PDGFC: variants seen among roughly 807,000 people sequenced by gnomAD.
PDGFC encodes platelet-derived growth factor C.
In PDGFC, 12 loss-of-function variants were observed where a neutral mutation model predicts 35.5. That is an observed-to-expected ratio of 0.34 (90% CI 0.22 to 0.55). The LOEUF (loss-of-function observed/expected upper bound fraction) is 0.55, where lower values mean the gene tolerates loss of function less well. PDGFC is among the 20% of genes least tolerant of loss of function. PDGFC has a pLI of 0.91. For synonymous variants in PDGFC, 159 were observed against 148.8 expected (o/e 1.07, Z -0.50); for missense variants, 322 against 412.4 (o/e 0.78, Z 1.90).
chr4:156,802,555 T>TACACAC (rs3042776), intron 3 of PDGFC, among the ~76,000 whole-genome samples: 174 of 145,670 alleles, frequency 1.2e-3, no homozygotes, highest in African/African-American at 4.1e-3. Flanking sequence ...TACACACACA[T>TACACAC]ACACACACAC....
chr4:156,950,585 T>C (rs148863745), intron 1 of PDGFC, among the ~76,000 whole-genome samples: 74 of 151,972 alleles, frequency 4.9e-4, no homozygotes, highest in Admixed American at 1.4e-3. Flanking sequence ...AAAATTAATA[T>C]GCCTTTTCTC....
intron 2 of PDGFC, among the ~76,000 whole-genome samples, chr4:156,844,425 G>C (rs540265801): frequency 6.6e-6 from 1 of 152,058 alleles, no homozygotes; most frequent in Non-Finnish European, 1.5e-5. Flanking sequence ...GAGTACAAAA[G>C]AAGTAATAGA....
chr4:156,903,112 T>TGC (rs1730831540), intron 1 of PDGFC, among the ~76,000 whole-genome samples: 2 of 139,034 alleles, frequency 1.4e-5, no homozygotes, highest in Non-Finnish European at 3.2e-5. Flanking sequence ...AGAGTGTGTG[T>TGC]GTGTGTGTGT....
chr4:156,813,960 T>C (rs1186725820), intron 2 of PDGFC, among the ~76,000 whole-genome samples: 1 of 152,124 alleles, frequency 6.6e-6, no homozygotes, highest in Non-Finnish European at 1.5e-5. Context: ...TGTCTTATCC[T>C]GAGCACCTAC....
intron 2 of PDGFC, among the ~76,000 whole-genome samples, chr4:156,830,760 C>T (rs1187577233): frequency 6.6e-6 from 1 of 152,108 alleles, no homozygotes; most frequent in Non-Finnish European, 1.5e-5. Context: ...TTCTTTAAAA[C>T]AAAAGATTCC....
Position 156,810,095 on chromosome 4 carries a change from C to T in PDGFC, c.495+742G>A, listed in dbSNP as rs577527270. On this transcript the variant is annotated intron_variant, in intron 3 of 5. Transcript: ENST00000502773. ...TAAACAGATTCTTAGTGGCTTTAAT[C>T]AAGCAAATAATCAGTATTAAACTAT... 6.6e-5 allele frequency among the ~76,000 whole-genome samples: 10 copies of T among 151,920 alleles called. No individual in the cohort carries two copies. In the East Asian group the frequency reaches 9.7e-4, roughly 15 times the overall value.
chr4:156,772,613 C>T (rs989814419), intron 4 of PDGFC, 73 bp downstream of exon 4: 17 of 905,826 alleles, frequency 1.9e-5, no homozygotes, highest in Non-Finnish European at 3.0e-5. Context: ...CCTTTAGAAG[C>T]TGTGGCAGAA....
intron 2 of PDGFC, among the ~76,000 whole-genome samples, chr4:156,845,681 A>C (rs1484056688): frequency 6.6e-6 from 1 of 151,908 alleles, no homozygotes; most frequent in African/African-American, 2.4e-5. Context: ...CCATTTGCAC[A>C]TTTATTTCTA....
chr4:156,850,580 T>G (rs1013724232), intron 1 of PDGFC, among the ~76,000 whole-genome samples, 164 bp from the exon 2 acceptor site: 1 of 152,160 alleles, frequency 6.6e-6, no homozygotes, highest in African/African-American at 2.4e-5. Flanking sequence ...GAAAAAAGAT[T>G]ATTTTATCAT....
rs1369082852 is a variant in PDGFC, at chr4:156,891,041, C to CCTT, written c.119-40628_119-40626dup. ...AGGTCATAAAACCTTTATGTAAAAG[C>CCTT]CTTCTACACACCTGCACTATTATGG... On this transcript the variant is annotated intron_variant, in intron 1 of 5. Transcript: ENST00000502773. Among the ~76,000 whole-genome samples the CCTT allele has an allele frequency of 3.3e-5, 5 of 151,854 alleles. No homozygotes were observed. In the East Asian group the frequency reaches 9.7e-4, roughly 30 times the overall value.
chr4:156,865,897 T>G (rs2111126901), intron 1 of PDGFC, among the ~76,000 whole-genome samples: 1 of 152,354 alleles, frequency 6.6e-6, no homozygotes, highest in East Asian at 1.9e-4. Context: ...TTGTTTTGAT[T>G]AAGTTAATAG....
At chr4:156,883,207 C>T (rs1280847358) in intron 1 of PDGFC, among the ~76,000 whole-genome samples, 7 of 151,788 alleles carry the variant, frequency 4.6e-5, no homozygotes, top group Non-Finnish European at 8.8e-5. Context: ...AAACTGAGTG[C>T]TTTTCTATAG....
chr4:156,875,864 C>G (rs1730103867), intron 1 of PDGFC, among the ~76,000 whole-genome samples: 1 of 152,106 alleles, frequency 6.6e-6, no homozygotes, highest in African/African-American at 2.4e-5. Flanking sequence ...GCCTGGGTGA[C>G]AGAGCAAAAC....
chr4:156,789,925 C>T (rs913123311), intron 3 of PDGFC, among the ~76,000 whole-genome samples: 5 of 134,394 alleles, frequency 3.7e-5, no homozygotes, highest in African/African-American at 1.2e-4. Context: ...TGCAGTGAGC[C>T]GAGATCATGC....
chr4:156,909,998 T>C (rs1731002640), intron 1 of PDGFC, among the ~76,000 whole-genome samples: 1 of 152,006 alleles, frequency 6.6e-6, no homozygotes, highest in South Asian at 2.1e-4. Flanking sequence ...AGCCAAGCAA[T>C]GTCAAATACT....
At chr4:156,950,555 A>G (rs748959553) in intron 1 of PDGFC, among the ~76,000 whole-genome samples, 13 of 151,808 alleles carry the variant, frequency 8.6e-5, no homozygotes, top group Non-Finnish European at 1.6e-4. Context: ...CCTTATGCAC[A>G]CAAAATTTAA....
In PDGFC at chr4:156,947,079, G is replaced by T. The variant is rs1731966668; in HGVS notation, c.118+23707C>A. ...CAAACCTCAAATGACATAAAGAAGG[G>T]AGGTCAGCAGAATGGACCAAAGAGA... On this transcript the variant is annotated intron_variant, in intron 1 of 5. Coordinates refer to ENST00000502773, the MANE Select transcript of PDGFC (RefSeq NM_016205.3). Among the ~76,000 whole-genome samples, 3 of 152,088 alleles carry T rather than the reference G, an allele frequency of 2.0e-5. No homozygotes were observed. In the South Asian group the frequency reaches 6.2e-4, roughly 32 times the overall value.
At chr4:156,773,590 T>C (rs541143395) in intron 3 of PDGFC, 20 of 152,082 alleles carry the variant, frequency 1.3e-4, no homozygotes. Context: ...ATATTACAGA[T>C]AAAAAGCTTG....
intron 1 of PDGFC, among the ~76,000 whole-genome samples, chr4:156,871,430 T>C (rs1729981577): frequency 6.6e-6 from 1 of 152,076 alleles, no homozygotes; most frequent in Admixed American, 6.6e-5. Flanking sequence ...TGACTGAAGA[T>C]AAGAAATGAT....
Sources: allele counts gnomAD v4.1 joint callset (sites outside exome capture counted in the v4.1 genomes callset), GRCh38; gene constraint gnomAD v4.1.1; transcripts MANE v1.5; gene names NCBI Gene and HGNC (gene_info 2026-07-23, HGNC 2026-07-21).